The following GADL1 variants were observed in gnomAD, a reference collection of about 807,000 sequenced individuals.
GADL1 encodes the protein acidic amino acid decarboxylase GADL1.
A neutral mutation model predicts 69.5 loss-of-function variants in GADL1; 71 were observed. The observed-to-expected ratio is 1.02, with a 90% CI of 0.84 to 1.25. The LOEUF is 1.25. Ranked by LOEUF, GADL1 falls within the 50% of genes most tolerant of loss-of-function variation. The pLI, the probability that GADL1 is intolerant of heterozygous loss-of-function variation, is 0.00. For missense variants in GADL1, 737 were observed against 631.8 expected (o/e 1.17, Z -1.79); for synonymous variants, 254 against 214.4 (o/e 1.18, Z -1.62).
intron 11 of GADL1, among the ~76,000 whole-genome samples, chr3:30,829,449 C>A (rs1162842154): frequency 1.3e-5 from 2 of 151,880 alleles, no homozygotes; most frequent in African/African-American, 4.8e-5. Context: ...TAAGTAATTT[C>A]TTTTAAACTA....
In GADL1 at chr3:30,823,264, G is replaced by A. The variant is rs1330511512; in HGVS notation, c.1050+10589C>T. 2.0e-5 allele frequency among the ~76,000 whole-genome samples: 3 copies of A among 151,904 alleles called. No individual in the cohort carries two copies. The East Asian group carries it at 5.8e-4, about 29-fold the overall frequency. Reference sequence around the variant, plus strand: ...AAGAACCAGAATGGTGAGAAGGGAGGGAACAAAGATTGAGGTCCTGTGTCC... The same window carrying A: ...AAGAACCAGAATGGTGAGAAGGGAGAGAACAAAGATTGAGGTCCTGTGTCC... On this transcript the variant is annotated intron_variant, in intron 11 of 14. Transcript: ENST00000282538.
intron 14 of GADL1, among the ~76,000 whole-genome samples, chr3:30,762,164 A>G (rs780137943): frequency 3.3e-5 from 5 of 152,158 alleles, no homozygotes; most frequent in African/African-American, 1.2e-4. Flanking sequence ...GAAGGAGTCA[A>G]TGGCTGTTTA....
chr3:30,820,970 C>T (rs1697567850), intron 11 of GADL1, among the ~76,000 whole-genome samples: 1 of 151,978 alleles, frequency 6.6e-6, no homozygotes, highest in Non-Finnish European at 1.5e-5. Context: ...GGCACATATA[C>T]ACCATGGAAT....
At chr3:30,761,600 G>T (rs1696135478) in intron 14 of GADL1, among the ~76,000 whole-genome samples, 1 of 152,280 alleles carries the variant, frequency 6.6e-6, no homozygotes, top group East Asian at 1.9e-4. Flanking sequence ...TGTCCAGGAA[G>T]TCTGAGTCTA....
At chr3:30,762,297 T>G (rs907257899) in intron 14 of GADL1, among the ~76,000 whole-genome samples, 1 of 152,188 alleles carries the variant, frequency 6.6e-6, no homozygotes, top group Non-Finnish European at 1.5e-5. Flanking sequence ...TGAGGACATA[T>G]GCTTTAAAAG....
intron 14 of GADL1, among the ~76,000 whole-genome samples, chr3:30,729,566 T>C (rs1480525211): frequency 1.3e-5 from 2 of 151,980 alleles, no homozygotes; most frequent in Admixed American, 6.6e-5. Flanking sequence ...TTCCCACGAG[T>C]CTCCCTCTCT....
chr3:30,822,678 T>C (rs1040980471), intron 11 of GADL1, among the ~76,000 whole-genome samples: 9 of 152,062 alleles, frequency 5.9e-5, no homozygotes, highest in African/African-American at 2.2e-4. Flanking sequence ...GACAGTGTGA[T>C]CATATAATAC....
At chr3:30,821,116 T>C (rs993940768) in intron 11 of GADL1, among the ~76,000 whole-genome samples, 8 of 151,944 alleles carry the variant, frequency 5.3e-5, no homozygotes, top group South Asian at 2.1e-4. Context: ...TAGGTGGGAA[T>C]TGAACAATGA....
Position 30,806,403 on chromosome 3 carries a change from G to T in GADL1, c.1051-5315C>A, listed in dbSNP as rs149333790. Among the ~76,000 whole-genome samples, 56 of 152,238 alleles carry T rather than the reference G, an allele frequency of 3.7e-4. No homozygotes were observed. The East Asian group carries it at 8.7e-3, about 24-fold the overall frequency. On this transcript the variant is annotated intron_variant, in intron 11 of 14. Transcript: ENST00000282538. ...GCGTAATGTGCAAAATCAAATTTAGGTTGCAAATAAAAGACTTGGCTGTAA... is the reference window on the plus strand; with the variant it reads ...GCGTAATGTGCAAAATCAAATTTAGTTTGCAAATAAAAGACTTGGCTGTAA...
intron 13 of GADL1, among the ~76,000 whole-genome samples, chr3:30,780,232 C>A (rs1375885674): frequency 6.6e-6 from 1 of 152,132 alleles, no homozygotes; most frequent in East Asian, 1.9e-4. Flanking sequence ...TGGCATGGCC[C>A]CTGTAGATGG....
In GADL1 at chr3:30,880,016, C is replaced by A. The variant is rs550239746; in HGVS notation, c.37+14562G>T. Among the ~76,000 whole-genome samples the A allele has an allele frequency of 5.1e-4, 71 of 139,866 alleles. No homozygotes were observed. The South Asian group carries it at 0.015, about 29-fold the overall frequency. The allele number at this position is 139,866 out of a possible 152,430, so 91.8% of individuals were successfully genotyped here. A position where few individuals can be genotyped will look rare whatever the true frequency, so the allele number is the denominator to read the frequency against. ...CAGAATCTTTCACAGCCAGACACTG[C>A]TGGCATAAAGGAAGGAGGTATTCAT... is the stretch of plus-strand genomic sequence containing the variant. On this transcript the variant is annotated intron_variant, in intron 1 of 14. Coordinates refer to ENST00000282538, the MANE Select transcript of GADL1 (RefSeq NM_207359.3).
chr3:30,755,878 C>A (rs1367240672), intron 14 of GADL1, among the ~76,000 whole-genome samples: 3 of 152,024 alleles, frequency 2.0e-5, no homozygotes. Flanking sequence ...ATACACAGTT[C>A]CAAGTCAGCT....
At chr3:30,759,307 C>T (rs1304748197) in intron 14 of GADL1, among the ~76,000 whole-genome samples, 1 of 152,226 alleles carries the variant, frequency 6.6e-6, no homozygotes, top group Non-Finnish European at 1.5e-5. Flanking sequence ...GTATATTCTA[C>T]TCCCTGCACT....
At chr3:30,855,217 C>G (rs1698209630) in intron 3 of GADL1, among the ~76,000 whole-genome samples, 1 of 152,008 alleles carries the variant, frequency 6.6e-6, no homozygotes, top group Non-Finnish European at 1.5e-5. Context: ...ATCGTAGAGC[C>G]CTTTCTACTG....
chr3:30,779,131 A>G (rs201991213), intron 13 of GADL1: 1 of 152,228 alleles, frequency 6.6e-6, no homozygotes, highest in African/African-American at 2.4e-5. Context: ...TTTGTCACGC[A>G]GACAAGGCTT....
At chr3:30,787,908 A>C (rs1266897696) in intron 12 of GADL1, among the ~76,000 whole-genome samples, 1 of 152,156 alleles carries the variant, frequency 6.6e-6, no homozygotes, top group African/African-American at 2.4e-5. Flanking sequence ...CCTTTTTGCA[A>C]ATTTATACAG....
At chr3:30,765,496 AT>A (rs2125488408) in intron 14 of GADL1, among the ~76,000 whole-genome samples, 3 of 152,368 alleles carry the variant, frequency 2.0e-5, no homozygotes, top group Admixed American at 2.0e-4. Context: ...ATGTGATAAC[AT>A]TGTGAAAACA....
intron 14 of GADL1, among the ~76,000 whole-genome samples, chr3:30,760,805 G>A (rs909483238): frequency 1.3e-5 from 2 of 151,984 alleles, no homozygotes; most frequent in South Asian, 4.1e-4. Context: ...TTTTCTTCAG[G>A]TGGGGGCAGG....
intron 11 of GADL1, among the ~76,000 whole-genome samples, chr3:30,830,510 C>G (rs1345074556): frequency 1.3e-5 from 2 of 151,936 alleles, no homozygotes; most frequent in African/African-American, 4.8e-5. Flanking sequence ...ATCACTCTTT[C>G]TGGTCTTCCC....
Sources: allele counts gnomAD v4.1 joint callset (sites outside exome capture counted in the v4.1 genomes callset), GRCh38; gene constraint gnomAD v4.1.1; transcripts MANE v1.5; gene names NCBI Gene and HGNC (gene_info 2026-07-23, HGNC 2026-07-21).